Variants in FLRT2 observed in about 807,000 individuals in gnomAD.
FLRT2 encodes fibronectin leucine rich transmembrane protein 2.
In FLRT2, 15 loss-of-function variants were observed where a neutral mutation model predicts 40.0. The ratio of observed to expected loss-of-function variants is 0.38; its 90% confidence interval spans 0.25 to 0.58. FLRT2 has a LOEUF of 0.58. FLRT2 is among the 20% of genes least tolerant of loss of function. The pLI, the probability that FLRT2 is intolerant of heterozygous loss-of-function variation, is 0.71. For synonymous variants in FLRT2, 380 were observed against 336.8 expected (o/e 1.13, Z -1.41); for missense variants, 726 against 840.0 (o/e 0.86, Z 1.68).
At chr14:85,619,293 C>T (rs1398272688) in intron 1 of FLRT2, among the ~76,000 whole-genome samples, 1 of 151,838 alleles carries the variant, frequency 6.6e-6, no homozygotes, top group Non-Finnish European at 1.5e-5. Flanking sequence ...CTATATTGCC[C>T]AAGCTGGTCT....
intron 1 of FLRT2, among the ~76,000 whole-genome samples, chr14:85,611,921 T>TGTGTGA (rs1191345240): frequency 9.1e-6 from 1 of 109,746 alleles, no homozygotes; most frequent in Non-Finnish European, 1.9e-5. Flanking sequence ...CGAAAGCGTG[T>TGTGTGA]GTGTGTGTGT....
chr14:85,606,722 A>C, intron 1 of FLRT2, among the ~76,000 whole-genome samples: 1 of 150,718 alleles, frequency 6.6e-6, no homozygotes, highest in East Asian at 2.0e-4. Context: ...ACAGGGTTTC[A>C]CCATGTTGGT....
chr14:85,636,746 T>C lies in FLRT2; in HGVS notation c.*13249T>C, dbSNP rs780702214. The C allele has an allele frequency of 5.3e-5, 8 of 151,564 alleles. No individual in the cohort carries two copies. Among genetic ancestry groups the C allele is most frequent in the Non-Finnish European group, 1.2e-4 (8 of 67,926 alleles). The allele number at this position is 151,564 out of a possible 1,614,324, so 9.4% of individuals were successfully genotyped here. ...GAGTTTGAGACTAGCTTGGCCAACA[T>C]GGTGAAAGCCCGCCTTTACTAAAAA... is the stretch of plus-strand genomic sequence containing the variant. On this transcript the variant is annotated 3_prime_UTR_variant, in exon 2 of 2. Transcript: ENST00000330753.
rs1446339542 is a variant in FLRT2, at chr14:85,633,011, G to A, written c.*9514G>A. On this transcript the variant is annotated 3_prime_UTR_variant, in exon 2 of 2. Transcript: ENST00000330753. ...TGAGTATACATTGAATAAATGACAT[G>A]AAGCACCATGTATTTTTCATGCAGA... 6.6e-6 allele frequency: 1 copy of A among 152,222 alleles called. No individual in the cohort carries two copies. Among genetic ancestry groups the A allele is most frequent in the African/African-American group, 2.4e-5 (1 of 41,456 alleles). 9.4% of individuals were successfully genotyped at this position (152,222 alleles called of 1,614,324 possible).
At chr14:85,562,620 C>CTTTTTTTTTTTTTTTTTTTTTTTTTT (rs3830857) in intron 1 of FLRT2, 1 of 115,522 alleles carries the variant, frequency 8.7e-6, no homozygotes. Flanking sequence ...TTCTTTCTTT[C>CTTTTTTTTTTTTTTTTTTTTTTTTTT]TTTTTTTTTT....
At chr14:85,584,417 G>A (rs1310948469) in intron 1 of FLRT2, among the ~76,000 whole-genome samples, 1 of 152,218 alleles carries the variant, frequency 6.6e-6, no homozygotes, top group Non-Finnish European at 1.5e-5. Context: ...CCTTTCTTAT[G>A]CTGTGTCTTA....
chr14:85,609,952 A>G (rs867117489), intron 1 of FLRT2, among the ~76,000 whole-genome samples: 1 of 152,216 alleles, frequency 6.6e-6, no homozygotes, highest in South Asian at 2.1e-4. Context: ...CACCACACAT[A>G]GAATAATTTA....
intron 1 of FLRT2, among the ~76,000 whole-genome samples, chr14:85,535,650 C>G (rs779886830): frequency 6.6e-6 from 1 of 151,930 alleles, no homozygotes; most frequent in Non-Finnish European, 1.5e-5. Context: ...TTCCTCCCCT[C>G]CTTGAAAGCC....
Position 85,640,583 on chromosome 14 carries a change from A to G in FLRT2, c.*17086A>G, listed in dbSNP as rs1894128083. ...GTAATAATGACTAAGTTCTCTCATC[A>G]AGGTCTGTACCATGATTGAACTACT... On this transcript the variant is annotated 3_prime_UTR_variant, in exon 2 of 2. Coordinates refer to ENST00000330753, the MANE Select transcript of FLRT2 (RefSeq NM_013231.6). The G allele has an allele frequency of 6.6e-6, 1 of 152,200 alleles. No homozygotes were observed. The highest frequency in any genetic ancestry group is 2.1e-4 in the South Asian group (1 of 4,830). The allele number at this position is 152,200 out of a possible 1,614,324, so 9.4% of individuals were successfully genotyped here. A position where few individuals can be genotyped will look rare whatever the true frequency, so the allele number is the denominator to read the frequency against.
At chr14:85,557,826 A>G (rs1379627902) in intron 1 of FLRT2, among the ~76,000 whole-genome samples, 2 of 150,784 alleles carry the variant, frequency 1.3e-5, no homozygotes, top group South Asian at 2.1e-4. Context: ...CAATAAATAA[A>G]TAAATTAATT....
At position 85,641,898 on chromosome 14, in the gene FLRT2, C is replaced by G. The variant is rs1894158161; in HGVS notation, c.*18401C>G. On this transcript the variant is annotated 3_prime_UTR_variant, in exon 2 of 2. Coordinates refer to ENST00000330753, the MANE Select transcript of FLRT2 (RefSeq NM_013231.6). The stretch of plus-strand genomic sequence containing the variant: ...CAGCTGAAATTATTACCTGAGATCA[C>G]CTGGAATGAAGAGCCTATTAAAGCC... The G allele has an allele frequency of 6.6e-6, 1 of 151,780 alleles. No individual in the cohort carries two copies. The highest frequency in any genetic ancestry group is 2.4e-5 in the African/African-American group (1 of 41,340). The allele number at this position is 151,780 out of a possible 1,614,324, so 9.4% of individuals were successfully genotyped here. A position where few individuals can be genotyped will look rare whatever the true frequency, so the allele number is the denominator to read the frequency against.
Position 85,630,469 on chromosome 14 carries a change from G to T in FLRT2, c.*6972G>T, listed in dbSNP as rs549847328. ...AAACTCCCTAGTTGGGATAGGATGG[G>T]CCTTTGTTGGTTTAGTTTTGATTTC... is the stretch of plus-strand genomic sequence containing the variant. On this transcript the variant is annotated 3_prime_UTR_variant, in exon 2 of 2. Transcript: ENST00000330753. 6.6e-6 allele frequency: 1 copy of T among 152,148 alleles called. No individual in the cohort carries two copies. Among genetic ancestry groups the T allele is most frequent in the South Asian group, 2.1e-4 (1 of 4,816 alleles). 9.4% of individuals were successfully genotyped at this position (152,148 alleles called of 1,614,324 possible).
intron 1 of FLRT2, among the ~76,000 whole-genome samples, chr14:85,609,137 A>T (rs777154803): frequency 6.6e-6 from 1 of 152,026 alleles, no homozygotes; most frequent in Non-Finnish European, 1.5e-5. Flanking sequence ...CCCAATCCGA[A>T]CAAGCTTAGA....
chr14:85,652,564 A>T lies in FLRT2; in HGVS notation c.*29067A>T, dbSNP rs1894459238. The T allele has an allele frequency of 6.6e-6, 1 of 152,168 alleles. No homozygotes were observed. The highest frequency in any genetic ancestry group is 1.5e-5 in the Non-Finnish European group (1 of 67,994). The allele number at this position is 152,168 out of a possible 1,614,324, so 9.4% of individuals were successfully genotyped here. On this transcript the variant is annotated 3_prime_UTR_variant, in exon 2 of 2. Coordinates refer to ENST00000330753, the MANE Select transcript of FLRT2 (RefSeq NM_013231.6). ...TTTTTAGACTAAAAGCCTTTGAATA[A>T]AATATTATACAACTTTAAATAAATT...
At chr14:85,574,357 A>G (rs370796808) in intron 1 of FLRT2, among the ~76,000 whole-genome samples, 1 of 152,230 alleles carries the variant, frequency 6.6e-6, no homozygotes, top group South Asian at 2.1e-4. Flanking sequence ...TCTTGCATGC[A>G]TATGTCCCAC....
At chr14:85,609,620 G>T (rs1251782405) in intron 1 of FLRT2, among the ~76,000 whole-genome samples, 1 of 152,162 alleles carries the variant, frequency 6.6e-6, no homozygotes, top group African/African-American at 2.4e-5. Context: ...TCCGTTAGGA[G>T]ACTTGGTTCT....
intron 1 of FLRT2, among the ~76,000 whole-genome samples, chr14:85,557,641 A>G (rs1890050936): frequency 6.6e-6 from 1 of 152,056 alleles, no homozygotes; most frequent in Non-Finnish European, 1.5e-5. Flanking sequence ...TGAAACTAAA[A>G]TTTAGTCTCT....
chr14:85,584,839 G>A (rs890578144), intron 1 of FLRT2, among the ~76,000 whole-genome samples: 4 of 151,880 alleles, frequency 2.6e-5, no homozygotes, highest in African/African-American at 9.7e-5. Context: ...CCTTCTGTGT[G>A]GGAGCTATAT....
chr14:85,587,014 G>A (rs2139884451), intron 1 of FLRT2, among the ~76,000 whole-genome samples: 1 of 152,214 alleles, frequency 6.6e-6, no homozygotes, highest in African/African-American at 2.4e-5. Flanking sequence ...GAAATTACAT[G>A]CTATTTTATA....
Sources: gnomAD v4.1 joint callset for allele counts (sites outside exome capture counted in the v4.1 genomes callset) on GRCh38, gnomAD v4.1.1 for gene constraint, MANE v1.5 for transcripts, NCBI Gene and HGNC (gene_info 2026-07-23, HGNC 2026-07-21) for gene names.